Variants in GALNTL6 observed in about 807,000 individuals in gnomAD.
The protein encoded by GALNTL6 is polypeptide N-acetylgalactosaminyltransferase-like 6.
In GALNTL6, 46 loss-of-function variants were observed where a neutral mutation model predicts 73.7. That is an observed-to-expected ratio of 0.62 (90% CI 0.49 to 0.80). GALNTL6 has a LOEUF of 0.80. GALNTL6 is among the 30% of genes least tolerant of loss of function. The pLI is 0.00. For synonymous variants in GALNTL6, 259 were observed against 263.7 expected, an observed-to-expected ratio of 0.98 and a Z score of 0.17; for missense variants, 604 against 755.0, an observed-to-expected ratio of 0.80 and a Z score of 2.34.
At chr4:172,135,407 A>AAGAG (rs10602453) in intron 2 of GALNTL6, among the ~76,000 whole-genome samples, 1 of 149,780 alleles carries the variant, frequency 6.7e-6, no homozygotes, top group African/African-American at 2.5e-5. Flanking sequence ...ACTTAGGAAA[A>AAGAG]AGAGAGAGAG....
Position 172,495,434 on chromosome 4 carries a change from C to T in GALNTL6, c.553+146745C>T, listed in dbSNP as rs1050133740. Among the ~76,000 whole-genome samples the T allele has an allele frequency of 1.2e-4, 18 of 152,262 alleles. No individual in the cohort carries two copies. In the East Asian group the frequency reaches 3.1e-3, roughly 26 times the overall value. On this transcript the variant is annotated intron_variant, in intron 5 of 12. Coordinates refer to ENST00000506823, the MANE Select transcript of GALNTL6 (RefSeq NM_001034845.3). ...TATTAGCTGGTTAACACTTTCTAGG[C>T]CAGTAAATTTAATTGTATCCTTATC...
intron 5 of GALNTL6, among the ~76,000 whole-genome samples, chr4:172,381,652 T>G (rs1743288671): frequency 6.6e-6 from 1 of 152,216 alleles, no homozygotes; most frequent in Non-Finnish European, 1.5e-5. Context: ...TATGGATATA[T>G]CACATCTGTG....
At chr4:172,322,638 C>T (rs926990525) in intron 4 of GALNTL6, among the ~76,000 whole-genome samples, 2 of 151,888 alleles carry the variant, frequency 1.3e-5, no homozygotes, top group South Asian at 2.1e-4. Context: ...GGAGAGAGAG[C>T]GTGAAGGTGG....
chr4:171,995,816 G>T (rs1337980014), intron 2 of GALNTL6, among the ~76,000 whole-genome samples: 1 of 151,978 alleles, frequency 6.6e-6, no homozygotes, highest in Non-Finnish European at 1.5e-5. Context: ...TATTATGTTG[G>T]TAGTAGGATA....
chr4:172,649,193 T>A (rs957501564), intron 5 of GALNTL6, among the ~76,000 whole-genome samples: 8 of 152,184 alleles, frequency 5.3e-5, no homozygotes, highest in Admixed American at 1.3e-4. Context: ...ATTCTCAGTT[T>A]ATTTTGAGCA....
At chr4:172,025,297 AAAC>A (rs71592043) in intron 2 of GALNTL6, among the ~76,000 whole-genome samples, 11 of 152,020 alleles carry the variant, frequency 7.2e-5, no homozygotes, top group East Asian at 3.9e-4. Flanking sequence ...GACTGTCATA[AAAC>A]AACAAGTACG....
Position 171,813,449 on chromosome 4 carries a change from G to A in GALNTL6, c.-711G>A, listed in dbSNP as rs1178786370. On this transcript the variant is annotated 5_prime_UTR_variant, in exon 1 of 13. Coordinates refer to ENST00000506823, the MANE Select transcript of GALNTL6 (RefSeq NM_001034845.3). The surrounding 1 kb of genome is among the most constrained non-coding windows in gnomAD (Gnocchi z 5.2). ...CGCGGAAGGCAGGCGCCGGGGAGTG[G>A]GGCGCGGGCGACCGTGTGCAGCCGC... 7 of 152,448 alleles carry A rather than the reference G, an allele frequency of 4.6e-5. No individual in the cohort carries two copies. In the East Asian group the frequency reaches 1.4e-3, roughly 29 times the overall value. The allele number at this position is 152,448 out of a possible 1,614,324, so 9.4% of individuals were successfully genotyped here.
intron 2 of GALNTL6, among the ~76,000 whole-genome samples, chr4:172,110,958 T>A (rs747214823): frequency 6.6e-6 from 1 of 151,754 alleles, no homozygotes; most frequent in African/African-American, 2.4e-5. Flanking sequence ...CAAGGAAACA[T>A]TAAAAAAAAA....
chr4:172,530,608 A>C (rs1050093540), intron 5 of GALNTL6, among the ~76,000 whole-genome samples: 3 of 152,172 alleles, frequency 2.0e-5, no homozygotes, highest in African/African-American at 7.2e-5. Context: ...AGAAGATTGA[A>C]TATTCAAGGC....
intron 12 of GALNTL6, among the ~76,000 whole-genome samples, chr4:173,032,529 A>T (rs1753513395): frequency 6.6e-6 from 1 of 151,780 alleles, no homozygotes; most frequent in African/African-American, 2.4e-5. Flanking sequence ...CTACAAAAAA[A>T]TACAAAAATT....
chr4:172,122,942 C>T (rs1021118571), intron 2 of GALNTL6, among the ~76,000 whole-genome samples: 5 of 152,222 alleles, frequency 3.3e-5, no homozygotes, highest in African/African-American at 1.2e-4. Flanking sequence ...AACTCTAAAA[C>T]AATGCCTAGG....
chr4:172,928,580 G>A (rs1346787941), intron 8 of GALNTL6, among the ~76,000 whole-genome samples: 5 of 152,150 alleles, frequency 3.3e-5, no homozygotes, highest in Non-Finnish European at 7.3e-5. Context: ...GATACAGGAA[G>A]TCCATTCTAT....
intron 5 of GALNTL6, among the ~76,000 whole-genome samples, chr4:172,768,480 T>A (rs757804087): frequency 8.5e-5 from 13 of 152,110 alleles, no homozygotes; most frequent in Non-Finnish European, 1.9e-4. Context: ...GTATAGAGAT[T>A]TATTGAAAAA....
intron 5 of GALNTL6, among the ~76,000 whole-genome samples, chr4:172,502,105 A>C (rs1734283225): frequency 6.6e-6 from 1 of 152,176 alleles, no homozygotes; most frequent in South Asian, 2.1e-4. Context: ...AATCGCATAC[A>C]TACTCCTTCC....
At chr4:171,827,565 A>C (rs1359384606) in intron 2 of GALNTL6, among the ~76,000 whole-genome samples, 2 of 152,208 alleles carry the variant, frequency 1.3e-5, no homozygotes, top group Non-Finnish European at 2.9e-5. Context: ...TCTCTAATCC[A>C]AATTTCCCTC....
intron 5 of GALNTL6, among the ~76,000 whole-genome samples, chr4:172,373,516 CT>C (rs1391161847): frequency 2.6e-5 from 4 of 152,120 alleles, no homozygotes; most frequent in Admixed American, 2.0e-4. Flanking sequence ...TCCTGTAAAC[CT>C]TTATGAGCTT....
intron 2 of GALNTL6, among the ~76,000 whole-genome samples, chr4:172,031,822 T>C (rs956139500): frequency 5.9e-5 from 9 of 152,040 alleles, no homozygotes; most frequent in African/African-American, 2.2e-4. Context: ...AGAGTAATAA[T>C]TTATATATAA....
intron 5 of GALNTL6, among the ~76,000 whole-genome samples, chr4:172,596,565 A>C (rs1231715166): frequency 6.6e-6 from 1 of 152,172 alleles, no homozygotes; most frequent in Non-Finnish European, 1.5e-5. Flanking sequence ...ATGTTTATTC[A>C]GAGCCTGCAT....
At chr4:172,465,431 A>G (rs1475808209) in intron 5 of GALNTL6, among the ~76,000 whole-genome samples, 2 of 152,044 alleles carry the variant, frequency 1.3e-5, no homozygotes, top group Non-Finnish European at 2.9e-5. Flanking sequence ...GAACAGAGAT[A>G]GAGCCACTGC....
Sources: gnomAD v4.1 joint callset for allele counts (sites outside exome capture counted in the v4.1 genomes callset) on GRCh38, gnomAD v4.1.1 for gene constraint, Gnocchi (gnomAD v3.1) non-coding constraint, MANE v1.5 for transcripts, NCBI Gene and HGNC (gene_info 2026-07-23, HGNC 2026-07-21) for gene names.